NRXN3: variants seen among roughly 807,000 people sequenced by gnomAD.
NRXN3 encodes the protein neurexin 3, also known as neurexin III.
A neutral mutation model predicts 137.6 loss-of-function variants in NRXN3; 32 were observed. That is an observed-to-expected ratio of 0.23 (90% CI 0.18 to 0.31). The LOEUF is 0.31. Ranked by LOEUF, NRXN3 falls within the 10% of genes least tolerant of loss-of-function variation. The pLI, the probability that NRXN3 is intolerant of heterozygous loss-of-function variation, is 1.00. For synonymous variants in NRXN3, 798 were observed against 784.5 expected (o/e 1.02, Z -0.29); for missense variants, 1,574 against 2,062.5 (o/e 0.76, Z 4.59).
At chr14:79,413,413 C>T (rs1254325160) in intron 15 of NRXN3, among the ~76,000 whole-genome samples, 1 of 152,058 alleles carries the variant, frequency 6.6e-6, no homozygotes, top group Non-Finnish European at 1.5e-5. Context: ...ACTTCTTTGC[C>T]TGGGGCTGTT....
chr14:78,482,630 TTAGAC>T (rs1394652786), intron 4 of NRXN3, among the ~76,000 whole-genome samples: 1 of 152,210 alleles, frequency 6.6e-6, no homozygotes, highest in African/African-American at 2.4e-5. Flanking sequence ...AACAAGGACT[TTAGAC>T]TAAACTGATT....
chr14:78,880,894 C>T (rs1348548402), intron 10 of NRXN3, among the ~76,000 whole-genome samples: 1 of 152,108 alleles, frequency 6.6e-6, no homozygotes, highest in African/African-American at 2.4e-5. Flanking sequence ...TGTGTCCCCA[C>T]CCAAATCACA....
rs371664811 is a variant in NRXN3 at position 79,390,219 on chromosome 14, A to G, written c.3263-77002A>G. On this transcript the variant is annotated intron_variant, in intron 15 of 20. Transcript: ENST00000335750. ...GTAGTCCCAGCTACTCGGGAGGCTG[A>G]GGCAGGAGAATGGCATGAACCCAGG... Among the ~76,000 whole-genome samples the G allele has an allele frequency of 2.0e-5, 3 of 150,936 alleles. No homozygotes were observed. The South Asian group carries it at 6.4e-4, about 32-fold the overall frequency.
intron 19 of NRXN3, among the ~76,000 whole-genome samples, chr14:79,778,398 AG>A (rs1237155528): frequency 1.3e-5 from 2 of 152,220 alleles, no homozygotes; most frequent in African/African-American, 4.8e-5. Context: ...CCTGGGCAAT[AG>A]AGTGAGACTC....
At chr14:78,875,692 G>A (rs2099112419) in intron 10 of NRXN3, among the ~76,000 whole-genome samples, 1 of 152,148 alleles carries the variant, frequency 6.6e-6, no homozygotes, top group Admixed American at 6.5e-5. Context: ...TAAATACACA[G>A]TGTTTTTTTC....
chr14:78,487,469 G>A (rs926866937), intron 4 of NRXN3, among the ~76,000 whole-genome samples: 4 of 152,168 alleles, frequency 2.6e-5, no homozygotes, highest in African/African-American at 9.7e-5. Flanking sequence ...CTGCCCAGGA[G>A]CAGTGGCTCA....
intron 19 of NRXN3, among the ~76,000 whole-genome samples, chr14:79,698,835 TA>T (rs1423546473): frequency 6.6e-6 from 1 of 152,034 alleles, no homozygotes; most frequent in East Asian, 1.9e-4. Flanking sequence ...TTTAAGACAT[TA>T]TCCAGGAGCT....
intron 15 of NRXN3, among the ~76,000 whole-genome samples, chr14:79,157,641 C>G (rs1363590326): frequency 2.6e-5 from 4 of 151,782 alleles, no homozygotes; most frequent in Admixed American, 2.6e-4. Context: ...AGAAACACTC[C>G]TGAAACCTTT....
intron 15 of NRXN3, among the ~76,000 whole-genome samples, chr14:79,384,881 G>A (rs1175794189): frequency 1.3e-5 from 2 of 152,088 alleles, no homozygotes; most frequent in Non-Finnish European, 2.9e-5. Context: ...CCCAGCTATT[G>A]GAACAATCGC....
intron 8 of NRXN3, among the ~76,000 whole-genome samples, chr14:78,799,069 A>G (rs1401105760): frequency 6.6e-6 from 1 of 152,194 alleles, no homozygotes; most frequent in South Asian, 2.1e-4. Flanking sequence ...GGCGATTAAC[A>G]TTTGGCCCCT....
chr14:79,556,048 G>A (rs1467029104), intron 16 of NRXN3, among the ~76,000 whole-genome samples: 1 of 152,086 alleles, frequency 6.6e-6, no homozygotes, highest in Admixed American at 6.6e-5. Flanking sequence ...TCAGCAACAG[G>A]GTGTGAGTGG....
chr14:79,666,993 C>T (rs764805607), intron 17 of NRXN3, among the ~76,000 whole-genome samples: 8 of 151,826 alleles, frequency 5.3e-5, no homozygotes, highest in Non-Finnish European at 1.0e-4. Flanking sequence ...TTCCTAGGAG[C>T]GGTTCACTTT....
chr14:78,730,109 A>G (rs1391203557), intron 8 of NRXN3, among the ~76,000 whole-genome samples: 1 of 152,276 alleles, frequency 6.6e-6, no homozygotes, highest in South Asian at 2.1e-4. Flanking sequence ...TGTAGCAACT[A>G]TTCCTGTAAC....
intron 4 of NRXN3, among the ~76,000 whole-genome samples, chr14:78,450,417 G>C (rs2094523924): frequency 6.6e-6 from 1 of 152,174 alleles, no homozygotes; most frequent in Non-Finnish European, 1.5e-5. Flanking sequence ...TGGGATGGAG[G>C]CTGGGTAGGG....
rs1231523544 is a variant in NRXN3, at chr14:79,695,673, C to T, written c.3707-1957C>T. Among the ~76,000 whole-genome samples, 3 of 144,472 alleles carry T rather than the reference C, an allele frequency of 2.1e-5. No individual in the cohort carries two copies. The Admixed American group carries it at 2.1e-4, about 10-fold the overall frequency. 94.8% of individuals were successfully genotyped at this position (144,472 alleles called of 152,430 possible). The stretch of plus-strand genomic sequence containing the variant: ...AAAAAAAACTGTCATCAACAATAAA[C>T]AGTAAAGAGGTATGAACTCCAGCAT... On this transcript the variant is annotated intron_variant, in intron 18 of 20. Transcript: ENST00000335750.
At chr14:79,279,514 TG>T (rs2153439404) in intron 15 of NRXN3, 1 of 986,296 alleles carries the variant, frequency 1.0e-6, no homozygotes, top group South Asian at 4.7e-5. Flanking sequence ...CTCCACCCCG[TG>T]CCACGTTGGT....
chr14:78,993,697 T>G (rs1036769416), intron 15 of NRXN3, among the ~76,000 whole-genome samples: 41 of 152,058 alleles, frequency 2.7e-4, no homozygotes, highest in African/African-American at 8.9e-4. Flanking sequence ...AAGACACATA[T>G]GAAGGTGCTT....
chr14:79,410,969 G>A (rs1013554366), intron 15 of NRXN3, among the ~76,000 whole-genome samples: 2 of 151,970 alleles, frequency 1.3e-5, no homozygotes, highest in African/African-American at 2.4e-5. Context: ...AATATGACTC[G>A]TCAGACTCAA....
At chr14:79,838,895 C>T (rs2099349893) in intron 20 of NRXN3, among the ~76,000 whole-genome samples, 1 of 152,176 alleles carries the variant, frequency 6.6e-6, no homozygotes, top group Non-Finnish European at 1.5e-5. Flanking sequence ...TTAATGAAAC[C>T]TACCAGTTAG....
Sources: allele counts gnomAD v4.1 joint callset (sites outside exome capture counted in the v4.1 genomes callset), GRCh38; gene constraint gnomAD v4.1.1; transcripts MANE v1.5; gene names NCBI Gene and HGNC (gene_info 2026-07-23, HGNC 2026-07-21).